Variants in ADCY1 observed in about 807,000 individuals in gnomAD.
The protein encoded by ADCY1 is adenylate cyclase type 1.
ADCY1 carries 28 observed loss-of-function variants against 105.4 expected under a neutral mutation model. The observed-to-expected ratio is 0.27, with a 90% CI of 0.20 to 0.36. The LOEUF is 0.36. ADCY1 is among the 10% of genes least tolerant of loss of function. ADCY1 has a pLI of 1.00. For missense variants in ADCY1, 977 were observed against 1,434.2 expected, an observed-to-expected ratio of 0.68 and a Z score of 5.15; for synonymous variants, 655 against 623.8, an observed-to-expected ratio of 1.05 and a Z score of -0.75.
intron 4 of ADCY1, among the ~76,000 whole-genome samples, chr7:45,645,251 C>T (rs888357766): frequency 1.3e-5 from 2 of 152,222 alleles, no homozygotes; most frequent in African/African-American, 4.8e-5. Context: ...CATGCAGTGA[C>T]GGTCACACTT....
intron 4 of ADCY1, among the ~76,000 whole-genome samples, chr7:45,640,267 A>C (rs2116021190): frequency 6.6e-6 from 1 of 152,354 alleles, no homozygotes; most frequent in East Asian, 1.9e-4. Context: ...CAGGGTGCCA[A>C]GCAAGGAGAA....
chr7:45,703,884 T>C lies in ADCY1; in HGVS notation c.2718+138T>C, dbSNP rs753006239. 9 of 1,295,066 alleles carry C rather than the reference T, an allele frequency of 6.9e-6. No homozygotes were observed. The highest frequency in any genetic ancestry group is 9.4e-6 in the Non-Finnish European group (9 of 956,754). 80.2% of individuals were successfully genotyped at this position (1,295,066 alleles called of 1,614,324 possible). A position where few individuals can be genotyped will look rare whatever the true frequency, so the allele number is the denominator to read the frequency against. On this transcript the variant is annotated intron_variant, in intron 16 of 19. Coordinates refer to ENST00000297323, the MANE Select transcript of ADCY1 (RefSeq NM_021116.4). The surrounding 1 kb of genome is among the most constrained non-coding windows in gnomAD (Gnocchi z 5.9). ...AGCAAATCCCGGGAAGCACAGGCATTCTGTCTCCTTTGGGATCCAGACCAA... is the reference window on the plus strand; with the variant it reads ...AGCAAATCCCGGGAAGCACAGGCATCCTGTCTCCTTTGGGATCCAGACCAA...
intron 8 of ADCY1, among the ~76,000 whole-genome samples, chr7:45,672,119 G>T (rs982119434): frequency 6.6e-6 from 1 of 152,042 alleles, no homozygotes; most frequent in Non-Finnish European, 1.5e-5. Context: ...TTTTAATAAG[G>T]TGTAAGTTTC....
At chr7:45,662,669 C>G (rs1387077740) in intron 8 of ADCY1, among the ~76,000 whole-genome samples, 2 of 152,056 alleles carry the variant, frequency 1.3e-5, no homozygotes, top group African/African-American at 4.8e-5. Context: ...TGCAGGAGCT[C>G]GCTGCCTGCA....
intron 1 of ADCY1, among the ~76,000 whole-genome samples, chr7:45,582,504 A>G (rs1792582489): frequency 8.0e-6 from 1 of 125,446 alleles, no homozygotes; most frequent in African/African-American, 3.0e-5. Context: ...TCCTTAGGGA[A>G]GGGAGTGGGG....
Position 45,574,539 on chromosome 7 carries a change from C to T in ADCY1, c.-5C>T. The T allele has an allele frequency of 2.2e-5, 21 of 976,180 alleles. No homozygotes were observed. The highest frequency in any genetic ancestry group is 2.5e-5 in the Non-Finnish European group (21 of 826,396). 60.5% of individuals were successfully genotyped at this position (976,180 alleles called of 1,614,324 possible). On this transcript the variant is annotated 5_prime_UTR_variant, in exon 1 of 20. Coordinates refer to ENST00000297323, the MANE Select transcript of ADCY1 (RefSeq NM_021116.4). This position sits in a 1 kb window ranked among gnomAD's most constrained non-coding sequence, Gnocchi z 7.0. ...CCGCGGCCGCGGCCGCTGCATGGCG[C>T]TGAGATGGCGGGGGCGCCGCGCGGC...
chr7:45,588,355 C>T (rs1792796267), intron 1 of ADCY1, among the ~76,000 whole-genome samples: 1 of 152,192 alleles, frequency 6.6e-6, no homozygotes. Flanking sequence ...TCAGTCATTT[C>T]TCCAGGGAGC....
chr7:45,595,430 C>G (rs1481872326), intron 2 of ADCY1, among the ~76,000 whole-genome samples: 1 of 152,234 alleles, frequency 6.6e-6, no homozygotes, highest in Non-Finnish European at 1.5e-5. Flanking sequence ...GCCTCCCTCT[C>G]TCTCTGTGAG....
chr7:45,655,888 G>C (rs73320907), intron 5 of ADCY1, among the ~76,000 whole-genome samples: 2,675 of 152,100 alleles, frequency 0.018, 91 homozygotes, highest in African/African-American at 0.061. Context: ...ACATTTTCCC[G>C]TACTCATTTC....
chr7:45,693,545 T>C (rs2116230598), intron 14 of ADCY1, among the ~76,000 whole-genome samples: 1 of 150,364 alleles, frequency 6.7e-6, no homozygotes, highest in East Asian at 2.0e-4. Flanking sequence ...ATTCAACTTC[T>C]TCCTGGTTTA....
At chr7:45,700,059 C>T (rs1482112235) in intron 14 of ADCY1, among the ~76,000 whole-genome samples, 1 of 152,136 alleles carries the variant, frequency 6.6e-6, no homozygotes, top group East Asian at 1.9e-4. Flanking sequence ...GGACTTCTAC[C>T]CCAGAGCCCT....
intron 14 of ADCY1, among the ~76,000 whole-genome samples, chr7:45,701,421 A>C (rs956974656): frequency 6.6e-6 from 1 of 152,218 alleles, no homozygotes; most frequent in South Asian, 2.1e-4. Context: ...TTTTTAAATC[A>C]CAATGCCATA....
Position 45,716,976 on chromosome 7 carries a change from CAGA to C in ADCY1, c.*2984_*2986del, listed in dbSNP as rs1785369860. ...GGAAGCCGGGTGTCGCTCACACAAC[CAGA>C]AGGAGCTGAGTTTGGCAACAACCCA... On this transcript the variant is annotated 3_prime_UTR_variant, in exon 20 of 20. Transcript: ENST00000297323. The C allele has an allele frequency of 2.0e-5, 3 of 152,546 alleles. No individual in the cohort carries two copies. Among genetic ancestry groups the C allele is most frequent in the Non-Finnish European group, 4.4e-5 (3 of 68,272 alleles). The allele number at this position is 152,546 out of a possible 1,614,324, so 9.4% of individuals were successfully genotyped here. A position where few individuals can be genotyped will look rare whatever the true frequency, so the allele number is the denominator to read the frequency against.
At chr7:45,620,185 T>TA (rs1383249456) in intron 3 of ADCY1, among the ~76,000 whole-genome samples, 1 of 152,196 alleles carries the variant, frequency 6.6e-6, no homozygotes, top group African/African-American at 2.4e-5. Context: ...ATGAGGTATT[T>TA]AAAATAGTCG....
rs962123228 is a variant in ADCY1, at chr7:45,691,903, C to G, written c.2454+5230C>G. 9.8e-5 allele frequency among the ~76,000 whole-genome samples: 15 copies of G among 152,318 alleles called. No individual in the cohort carries two copies. The East Asian group carries it at 2.7e-3, about 27-fold the overall frequency. On this transcript the variant is annotated intron_variant, in intron 14 of 19. Transcript: ENST00000297323. ...CCACACATGTGACAGTGACACTTGT[C>G]TCTCAGGGGGTTGTGGAGGAGTTTA...
Position 45,703,868 on chromosome 7 carries a change from C to T in ADCY1, c.2718+122C>T, listed in dbSNP as rs577297352. On this transcript the variant is annotated intron_variant, in intron 16 of 19. Coordinates refer to ENST00000297323, the MANE Select transcript of ADCY1 (RefSeq NM_021116.4). The surrounding 1 kb of genome is among the most constrained non-coding windows in gnomAD (Gnocchi z 5.9). ...AGCTGGAATGAGAGAAAGCAAATCCCGGGAAGCACAGGCATTCTGTCTCCT... is the reference window on the plus strand; with the variant it reads ...AGCTGGAATGAGAGAAAGCAAATCCTGGGAAGCACAGGCATTCTGTCTCCT... The T allele has an allele frequency of 2.6e-5, 36 of 1,371,912 alleles. No homozygotes were observed. Among genetic ancestry groups the T allele is most frequent in the Middle Eastern group, 2.0e-4 (1 of 4,922 alleles). 85.0% of individuals were successfully genotyped at this position (1,371,912 alleles called of 1,614,324 possible). A position where few individuals can be genotyped will look rare whatever the true frequency, so the allele number is the denominator to read the frequency against.
chr7:45,606,281 G>C (rs1425177969), intron 2 of ADCY1, among the ~76,000 whole-genome samples: 2 of 152,082 alleles, frequency 1.3e-5, no homozygotes, highest in Non-Finnish European at 2.9e-5. Context: ...AGCCTGGGGT[G>C]GGGGTGGAGG....
chr7:45,610,002 T>C (rs573474835), intron 2 of ADCY1, among the ~76,000 whole-genome samples: 5 of 152,258 alleles, frequency 3.3e-5, no homozygotes, highest in African/African-American at 1.2e-4. Flanking sequence ...GCTTGTTTTT[T>C]TAAGCCAATG....
chr7:45,577,966 G>A (rs529150659), intron 1 of ADCY1, among the ~76,000 whole-genome samples: 2 of 152,334 alleles, frequency 1.3e-5, no homozygotes, highest in Admixed American at 6.5e-5. Context: ...TATGGAGAAA[G>A]TTCTTGTGTT....
Sources: gnomAD v4.1 joint callset for allele counts (sites outside exome capture counted in the v4.1 genomes callset) on GRCh38, gnomAD v4.1.1 for gene constraint, Gnocchi (gnomAD v3.1) non-coding constraint, MANE v1.5 for transcripts, NCBI Gene and HGNC (gene_info 2026-07-23, HGNC 2026-07-21) for gene names.